ZBTB20: variants seen among roughly 807,000 people sequenced by gnomAD.
ZBTB20 encodes the protein zinc finger and BTB domain containing 20, also known as zinc finger and BTB domain-containing protein 20.
ZBTB20 carries 9 observed loss-of-function variants against 56.9 expected under a neutral mutation model. The observed-to-expected ratio is 0.16, with a 90% CI of 0.10 to 0.28. ZBTB20 has a LOEUF of 0.28. ZBTB20 is among the 10% of genes least tolerant of loss of function. The pLI, the probability that ZBTB20 is intolerant of heterozygous loss-of-function variation, is 1.00. For synonymous variants in ZBTB20, 417 were observed against 420.7 expected (o/e 0.99, Z 0.11); for missense variants, 655 against 1,003.0 (o/e 0.65, Z 4.69).
chr3:115,068,006 T>C (rs555672751), intron 2 of ZBTB20, among the ~76,000 whole-genome samples: 2 of 152,154 alleles, frequency 1.3e-5, no homozygotes, highest in East Asian at 1.9e-4. Context: ...TTCAAACATA[T>C]CCAAACTGAA....
intron 5 of ZBTB20, among the ~76,000 whole-genome samples, chr3:114,722,882 G>A (rs978916802): frequency 2.0e-5 from 3 of 152,204 alleles, no homozygotes; most frequent in African/African-American, 7.2e-5. Flanking sequence ...GGGTGATGCT[G>A]ATTATATTAT....
chr3:115,019,781 C>A (rs1444613383), intron 2 of ZBTB20, among the ~76,000 whole-genome samples: 1 of 150,996 alleles, frequency 6.6e-6, no homozygotes. Context: ...CATCCAAAAC[C>A]AAAATAAGAG....
At chr3:114,403,187 TTAAA>T (rs1214455585) in intron 7 of ZBTB20, among the ~76,000 whole-genome samples, 7 of 152,130 alleles carry the variant, frequency 4.6e-5, no homozygotes, top group Admixed American at 4.6e-4. Flanking sequence ...TTCGACCTCT[TTAAA>T]TAACCACTTA....
chr3:115,028,206 T>C (rs904656725), intron 2 of ZBTB20, among the ~76,000 whole-genome samples: 1 of 150,766 alleles, frequency 6.6e-6, no homozygotes, highest in African/African-American at 2.4e-5. Flanking sequence ...TCATTAAGTT[T>C]TCAAGGATCA....
intron 7 of ZBTB20, among the ~76,000 whole-genome samples, chr3:114,397,048 A>T (rs2086391874): frequency 6.6e-6 from 1 of 152,084 alleles, no homozygotes; most frequent in Non-Finnish European, 1.5e-5. Flanking sequence ...GTCCAGTTTG[A>T]TCTTGCCCCA....
At chr3:115,021,168 G>A (rs2080187998) in intron 2 of ZBTB20, among the ~76,000 whole-genome samples, 1 of 150,844 alleles carries the variant, frequency 6.6e-6, no homozygotes. Flanking sequence ...AATTTAGAGT[G>A]TTTTCTAAGT....
chr3:114,350,077 G>T (rs1002102429), intron 11 of ZBTB20, among the ~76,000 whole-genome samples, 197 bp downstream of exon 11: 1 of 152,096 alleles, frequency 6.6e-6, no homozygotes, highest in South Asian at 2.1e-4. Context: ...TTCCTGTGAC[G>T]GTGTCTCTTG....
chr3:114,365,640 A>G (rs2108376261), intron 10 of ZBTB20, among the ~76,000 whole-genome samples: 1 of 152,342 alleles, frequency 6.6e-6, no homozygotes, highest in South Asian at 2.1e-4. Flanking sequence ...ACTGTGCAGG[A>G]TGTTACAGTA....
At chr3:114,827,863 G>T (rs1397010478) in intron 4 of ZBTB20, among the ~76,000 whole-genome samples, 1 of 151,642 alleles carries the variant, frequency 6.6e-6, no homozygotes, top group Non-Finnish European at 1.5e-5. Context: ...ATCTCCAGCA[G>T]ACCCTGGGCC....
intron 5 of ZBTB20, among the ~76,000 whole-genome samples, chr3:114,694,859 A>T (rs1339896170): frequency 4.6e-5 from 7 of 152,110 alleles, no homozygotes; most frequent in Admixed American, 3.3e-4. Context: ...TCTTTTATAA[A>T]GGCAGAAAGG....
intron 4 of ZBTB20, among the ~76,000 whole-genome samples, 151 bp downstream of exon 4, chr3:114,900,153 T>C (rs1268983623): frequency 2.0e-5 from 3 of 152,176 alleles, no homozygotes; most frequent in Middle Eastern, 3.2e-3. Flanking sequence ...GTATAAAATG[T>C]ACTATCCTTT....
rs759501703 is a variant in ZBTB20, at chr3:114,351,490, G to A, written c.588C>T (p.Asn196=). The change falls in exon 11 of 12, where the codon AAC becomes AAT. Residue 196 remains asparagine, a synonymous_variant. Transcript: ENST00000675478. ...IDECTRIVSQ[N]VGDVFPGIQD... ...GGATCCCCGGGAACACATCGCCCAC[G>A]TTCTGTGACACGATGCGCGTGCACT... The A allele has an allele frequency of 1.9e-6, 3 of 1,613,950 alleles. No homozygotes were observed. The highest frequency in any genetic ancestry group is 1.6e-4 in the Middle Eastern group (1 of 6,062).
intron 5 of ZBTB20, among the ~76,000 whole-genome samples, chr3:114,753,199 T>TA (rs1345657432): frequency 2.0e-5 from 3 of 150,380 alleles, no homozygotes; most frequent in African/African-American, 7.4e-5. Context: ...AGGCAATTTC[T>TA]AAAAAATGAA....
chr3:115,118,181 T>C (rs750545416), intron 1 of ZBTB20, among the ~76,000 whole-genome samples: 2 of 150,112 alleles, frequency 1.3e-5, no homozygotes, highest in South Asian at 2.1e-4. Flanking sequence ...TTTTGTTGTA[T>C]TGTAGATCTC....
chr3:114,615,313 A>G (rs2057856652), intron 6 of ZBTB20, among the ~76,000 whole-genome samples: 1 of 152,204 alleles, frequency 6.6e-6, no homozygotes, highest in South Asian at 2.1e-4. Context: ...AGTAAATATC[A>G]AAATAGAATG....
At chr3:114,533,151 G>A (rs2048062001) in intron 6 of ZBTB20, among the ~76,000 whole-genome samples, 1 of 152,062 alleles carries the variant, frequency 6.6e-6, no homozygotes, top group African/African-American at 2.4e-5. Flanking sequence ...TTGAGGAATT[G>A]ACAGAAGTAG....
intron 5 of ZBTB20, among the ~76,000 whole-genome samples, chr3:114,774,221 T>C (rs1320303346): frequency 6.6e-6 from 1 of 152,146 alleles, no homozygotes; most frequent in East Asian, 1.9e-4. Flanking sequence ...CAGTATGAAA[T>C]AATATGAAAG....
intron 10 of ZBTB20, among the ~76,000 whole-genome samples, chr3:114,353,165 A>C (rs560768371): frequency 6.6e-6 from 1 of 152,198 alleles, no homozygotes; most frequent in Non-Finnish European, 1.5e-5. Flanking sequence ...CTGAACAATC[A>C]GCTTGGGAAA....
chr3:114,850,834 G>A (rs1055439359), intron 4 of ZBTB20, among the ~76,000 whole-genome samples: 1 of 152,178 alleles, frequency 6.6e-6, no homozygotes, highest in African/African-American at 2.4e-5. Flanking sequence ...GAGGATGTTT[G>A]GGAAGACTGT....
Sources: gnomAD v4.1 joint callset for allele counts (sites outside exome capture counted in the v4.1 genomes callset) on GRCh38, gnomAD v4.1.1 for gene constraint, MANE v1.5 for transcripts, NCBI Gene and HGNC (gene_info 2026-07-23, HGNC 2026-07-21) for gene names.